The following AGAP1 variants were observed in gnomAD, a reference collection of about 807,000 sequenced individuals.
AGAP1 encodes arf-GAP with GTPase, ANK repeat and PH domain-containing protein 1.
Under a neutral mutation model 105.3 loss-of-function variants are expected in AGAP1, and 29 were observed. That is an observed-to-expected ratio of 0.28 (90% CI 0.21 to 0.38). AGAP1 has a LOEUF of 0.38. Ranked by LOEUF, AGAP1 falls within the 10% of genes least tolerant of loss-of-function variation. The pLI is 1.00. For synonymous variants in AGAP1, 509 were observed against 485.9 expected (o/e 1.05, Z -0.63); for missense variants, 998 against 1,165.1 (o/e 0.86, Z 2.09).
intron 9 of AGAP1, among the ~76,000 whole-genome samples, chr2:235,816,898 A>T (rs1958491114): frequency 6.6e-6 from 1 of 151,772 alleles, no homozygotes; most frequent in African/African-American, 2.4e-5. Flanking sequence ...AAAAAAAAAA[A>T]GATATCTACC....
rs943265796 is a variant in AGAP1 at position 235,893,554 on chromosome 2, C to T, written c.1155+10105C>T. Among the ~76,000 whole-genome samples the T allele has an allele frequency of 2.0e-5, 3 of 151,970 alleles. No individual in the cohort carries two copies. The highest frequency in any genetic ancestry group is 7.3e-5 in the African/African-American group (3 of 41,374). On this transcript the variant is annotated intron_variant, in intron 10 of 17. Transcript: ENST00000304032. This position sits in a 1 kb window ranked among gnomAD's most constrained non-coding sequence, Gnocchi z 4.7. ...CACCATGTCTGTGGTGCGGGTGTGC[C>T]GTGTCCATCATGAGGGTGCGCCGTG...
intron 1 of AGAP1, among the ~76,000 whole-genome samples, chr2:235,649,213 G>T (rs1436327595): frequency 6.6e-6 from 1 of 152,166 alleles, no homozygotes; most frequent in African/African-American, 2.4e-5. Context: ...TTGTGGGGCA[G>T]TGGGAACATC....
chr2:236,024,260 C>T (rs1019529260), intron 13 of AGAP1, among the ~76,000 whole-genome samples: 2 of 152,058 alleles, frequency 1.3e-5, no homozygotes, highest in Non-Finnish European at 2.9e-5. Context: ...TGGTCTCAAA[C>T]TCTTGAGCTC....
At position 235,913,651 on chromosome 2, in the gene AGAP1, T is replaced by C. The variant is rs141788576; in HGVS notation, c.1324+4745T>C. ...TATAACACAGTTGAATATTTCTCTTTTATCTTCCAGTTTTTCTTGGCTACT... is the reference window on the plus strand; with the variant it reads ...TATAACACAGTTGAATATTTCTCTTCTATCTTCCAGTTTTTCTTGGCTACT... On this transcript the variant is annotated intron_variant, in intron 11 of 17. Transcript: ENST00000304032. Among the ~76,000 whole-genome samples the C allele has an allele frequency of 8.6e-3, 1,316 of 152,310 alleles. 16 individuals are homozygous for C. Among genetic ancestry groups the C allele is most frequent in the African/African-American group, 0.03 (1,252 of 41,558 alleles).
Position 235,788,921 on chromosome 2 carries a change from T to G in AGAP1, c.674-8838T>G, listed in dbSNP as rs374930566. 4.1e-4 allele frequency among the ~76,000 whole-genome samples: 63 copies of G among 152,314 alleles called. No individual in the cohort carries two copies. In the East Asian group the frequency reaches 0.011, roughly 27 times the overall value. Reference sequence around the variant, plus strand: ...CAGGATCCCTGGTCCTCCTGAGGCCTGGAGCCTGGCAGTTGGTCAGCTCCC... The same window carrying G: ...CAGGATCCCTGGTCCTCCTGAGGCCGGGAGCCTGGCAGTTGGTCAGCTCCC... On this transcript the variant is annotated intron_variant, in intron 6 of 17. Transcript: ENST00000304032. This position sits in a 1 kb window ranked among gnomAD's most constrained non-coding sequence, Gnocchi z 6.0.
chr2:235,635,417 T>C lies in AGAP1; in HGVS notation c.164-73762T>C, dbSNP rs182192591. On this transcript the variant is annotated intron_variant, in intron 1 of 17. Coordinates refer to ENST00000304032, the MANE Select transcript of AGAP1 (RefSeq NM_001037131.3). The surrounding 1 kb of genome is among the most constrained non-coding windows in gnomAD (Gnocchi z 5.3). Reference sequence around the variant, plus strand: ...TTTCATCTTGCCTGGTAATAAGCCCTCCTAGGAAAACAAATTACTCTGAAA... The same window carrying C: ...TTTCATCTTGCCTGGTAATAAGCCCCCCTAGGAAAACAAATTACTCTGAAA... Among the ~76,000 whole-genome samples the C allele has an allele frequency of 2.6e-5, 4 of 152,214 alleles. No individual in the cohort carries two copies. The highest frequency in any genetic ancestry group is 9.6e-5 in the African/African-American group (4 of 41,548).
chr2:235,762,151 G>A (rs1954500295), intron 6 of AGAP1, among the ~76,000 whole-genome samples: 1 of 151,520 alleles, frequency 6.6e-6, no homozygotes, highest in South Asian at 2.1e-4. Context: ...TATGGACATA[G>A]CCATGTGGTC....
Position 235,804,548 on chromosome 2 carries a change from G to A in AGAP1, c.958-2691G>A, listed in dbSNP as rs553596029. ...CCACTGGTTGAAAGGGGGTAAACGG[G>A]CTTCTCTTTGATACAGAGGGCTCTT... is the stretch of plus-strand genomic sequence containing the variant. On this transcript the variant is annotated intron_variant, in intron 8 of 17. Coordinates refer to ENST00000304032, the MANE Select transcript of AGAP1 (RefSeq NM_001037131.3). Among the ~76,000 whole-genome samples the A allele has an allele frequency of 7.9e-5, 12 of 152,318 alleles. No individual in the cohort carries two copies. In the South Asian group the frequency reaches 2.5e-3, roughly 32 times the overall value.
rs187280404 is a variant in AGAP1, at chr2:235,846,326, A to G, written c.1051-37019A>G. On this transcript the variant is annotated intron_variant, in intron 9 of 17. Coordinates refer to ENST00000304032, the MANE Select transcript of AGAP1 (RefSeq NM_001037131.3). ...TCAGAAGAGGTTCTATGGGTTATTT[A>G]TTTATTATTTATTTATTGACAGAAT... Among the ~76,000 whole-genome samples, 5 of 152,168 alleles carry G rather than the reference A, an allele frequency of 3.3e-5. No homozygotes were observed. In the East Asian group the frequency reaches 9.7e-4, roughly 29 times the overall value.
At chr2:235,680,389 C>T (rs1266180687) in intron 1 of AGAP1, among the ~76,000 whole-genome samples, 1 of 152,058 alleles carries the variant, frequency 6.6e-6, no homozygotes, top group Non-Finnish European at 1.5e-5. Context: ...CCAGAGGGGT[C>T]AGGGGCCCTG....
intron 16 of AGAP1, among the ~76,000 whole-genome samples, chr2:236,063,291 T>C (rs1002237431): frequency 2.2e-4 from 33 of 152,218 alleles, no homozygotes; most frequent in African/African-American, 7.9e-4. Flanking sequence ...GGTTTCACCA[T>C]GTTGGCCAAG....
rs1948000581 is a variant in AGAP1, at chr2:235,662,671, C to T, written c.164-46508C>T. ...ACAGGTGTGTGCCACCACACCTGGC[C>T]GAAGTTGGTGATTTTGAACAGAGGA... On this transcript the variant is annotated intron_variant, in intron 1 of 17. Coordinates refer to ENST00000304032, the MANE Select transcript of AGAP1 (RefSeq NM_001037131.3). This position sits in a 1 kb window ranked among gnomAD's most constrained non-coding sequence, Gnocchi z 4.2. Among the ~76,000 whole-genome samples, 1 of 151,914 alleles carries T rather than the reference C, an allele frequency of 6.6e-6. No individual in the cohort carries two copies. Among genetic ancestry groups the T allele is most frequent in the Non-Finnish European group, 1.5e-5 (1 of 67,986 alleles).
At position 235,611,807 on chromosome 2, in the gene AGAP1, T is replaced by A. The variant is rs147828958; in HGVS notation, c.164-97372T>A. ...ATTTTCATTTCCTACCTTTGTAGTT[T>A]TCATATAAATTAGATTTACATAGGA... On this transcript the variant is annotated intron_variant, in intron 1 of 17. Transcript: ENST00000304032. The surrounding 1 kb of genome is among the most constrained non-coding windows in gnomAD (Gnocchi z 5.0). Among the ~76,000 whole-genome samples the A allele has an allele frequency of 1.4e-4, 22 of 152,360 alleles. No homozygotes were observed. The highest frequency in any genetic ancestry group is 5.1e-4 in the African/African-American group (21 of 41,580).
At chr2:236,108,118 G>T (rs1274597668) in intron 16 of AGAP1, among the ~76,000 whole-genome samples, 1 of 152,206 alleles carries the variant, frequency 6.6e-6, no homozygotes, top group Admixed American at 6.5e-5. Flanking sequence ...GCCTTTGTGG[G>T]CTGTGCTCCG....
At chr2:235,785,587 TC>T (rs1455447667) in intron 6 of AGAP1, among the ~76,000 whole-genome samples, 32 of 152,298 alleles carry the variant, frequency 2.1e-4, no homozygotes, top group African/African-American at 7.7e-4. Context: ...TTTAGCATAA[TC>T]TATTTTTCTT....
intron 9 of AGAP1, among the ~76,000 whole-genome samples, chr2:235,847,184 TG>T (rs1418838167): frequency 2.0e-5 from 3 of 152,190 alleles, no homozygotes; most frequent in African/African-American, 7.2e-5. Context: ...CCTGTAAGAA[TG>T]GTGGTTTCAT....
At position 235,958,967 on chromosome 2, in the gene AGAP1, T is replaced by C. The variant is rs1427431855; in HGVS notation, c.1484-9495T>C. Among the ~76,000 whole-genome samples the C allele has an allele frequency of 6.6e-6, 1 of 152,224 alleles. No individual in the cohort carries two copies. The highest frequency in any genetic ancestry group is 1.9e-4 in the East Asian group (1 of 5,176). ...ATTTTTTGGGGTGTGCGTTGAACAT[T>C]GATGCCCGATTGGGAAGAACTAATG... On this transcript the variant is annotated intron_variant, in intron 12 of 17. Coordinates refer to ENST00000304032, the MANE Select transcript of AGAP1 (RefSeq NM_001037131.3). The surrounding 1 kb of genome is among the most constrained non-coding windows in gnomAD (Gnocchi z 4.1).
At chr2:235,515,474 G>A (rs964572525) in intron 1 of AGAP1, among the ~76,000 whole-genome samples, 1 of 152,192 alleles carries the variant, frequency 6.6e-6, no homozygotes, top group African/African-American at 2.4e-5. Context: ...AGACAGGGGC[G>A]TAGATACTGA....
chr2:235,723,476 T>A lies in AGAP1; in HGVS notation c.310+5832T>A. On this transcript the variant is annotated intron_variant, in intron 3 of 17. Coordinates refer to ENST00000304032, the MANE Select transcript of AGAP1 (RefSeq NM_001037131.3). The surrounding 1 kb of genome is among the most constrained non-coding windows in gnomAD (Gnocchi z 6.2). ...CTTCACCCCCTGCAGGTGGGGAGAG[T>A]GTGGCGTCCTCCTGAGATCTTTTCA... Among the ~76,000 whole-genome samples, 1 of 151,746 alleles carries A rather than the reference T, an allele frequency of 6.6e-6. No homozygotes were observed. The highest frequency in any genetic ancestry group is 1.9e-4 in the East Asian group (1 of 5,142).
Sources: gnomAD v4.1 joint callset for allele counts (sites outside exome capture counted in the v4.1 genomes callset) on GRCh38, gnomAD v4.1.1 for gene constraint, Gnocchi (gnomAD v3.1) non-coding constraint, MANE v1.5 for transcripts, NCBI Gene and HGNC (gene_info 2026-07-23, HGNC 2026-07-21) for gene names.